NBAS: variants seen among roughly 807,000 people sequenced by gnomAD.
The protein encoded by NBAS is NAG/BC035112 fusion.
Under a neutral mutation model 302.5 loss-of-function variants are expected in NBAS, and 219 were observed. The observed-to-expected ratio is 0.72, with a 90% CI of 0.65 to 0.81. NBAS has a LOEUF of 0.81. Among genes scored for constraint, NBAS ranks in the 30% least tolerant of loss-of-function variants. The pLI is 0.00. For missense variants in NBAS, 2,932 were observed against 2,841.6 expected (o/e 1.03, Z -0.72); for synonymous variants, 1,118 against 1,021.6 (o/e 1.09, Z -1.80).
At chr2:14,788,352 C>T in the NBAS span, among the ~76,000 whole-genome samples, 3 of 152,250 alleles carry the variant, frequency 2.0e-5, no homozygotes, top group Admixed American at 6.5e-5. Context: ...AGCTTTGTTC[C>T]GTTGCTGGTG....
intron 48 of NBAS, among the ~76,000 whole-genome samples, chr2:15,208,353 T>A (rs2147854606): frequency 6.6e-6 from 1 of 152,280 alleles, no homozygotes; most frequent in South Asian, 2.1e-4. Flanking sequence ...TATCTTCCAC[T>A]GGGTCCCTCC....
In NBAS at chr2:15,187,740, G is replaced by A. The variant is rs548755095; in HGVS notation, c.6573-860C>T. Among the ~76,000 whole-genome samples, 110 of 152,244 alleles carry A rather than the reference G, an allele frequency of 7.2e-4. No individual in the cohort carries two copies. The Middle Eastern group carries it at 0.02, about 28-fold the overall frequency. ...ATTACTATTTATGAAGAGTCTGTTGGTTCATTAGCACAGCACTACATTCTA... is the reference window on the plus strand; with the variant it reads ...ATTACTATTTATGAAGAGTCTGTTGATTCATTAGCACAGCACTACATTCTA... On this transcript the variant is annotated intron_variant, in intron 49 of 51. Transcript: ENST00000281513.
At chr2:15,220,434 GTTC>G (rs1018258597) in intron 47 of NBAS, among the ~76,000 whole-genome samples, 1 of 152,182 alleles carries the variant, frequency 6.6e-6, no homozygotes, top group Non-Finnish European at 1.5e-5. Flanking sequence ...CAAAGCTCCA[GTTC>G]TTTCTATCAT....
At chr2:15,111,581 T>C in the NBAS span, among the ~76,000 whole-genome samples, 1 of 152,230 alleles carries the variant, frequency 6.6e-6, no homozygotes, top group African/African-American at 2.4e-5. Flanking sequence ...TTGCTCTCTA[T>C]GTGCCCTCTA....
At chr2:15,255,381 T>C (rs1668547482) in intron 44 of NBAS, among the ~76,000 whole-genome samples, 1 of 152,184 alleles carries the variant, frequency 6.6e-6, no homozygotes, top group Non-Finnish European at 1.5e-5. Flanking sequence ...AAGTATCTAT[T>C]CATGTCTTTG....
At chr2:15,100,624 G>T in the NBAS span, among the ~76,000 whole-genome samples, 2 of 152,230 alleles carry the variant, frequency 1.3e-5, no homozygotes, top group Non-Finnish European at 2.9e-5. Flanking sequence ...ACAGGGTGTC[G>T]AATTTAGTGA....
At chr2:15,526,393 T>C (rs544963819) in intron 9 of NBAS, among the ~76,000 whole-genome samples, 1 of 152,336 alleles carries the variant, frequency 6.6e-6, no homozygotes, top group South Asian at 2.1e-4. Flanking sequence ...GGCAAAACGA[T>C]GAATTTCATA....
chr2:14,912,008 G>T, the NBAS span, among the ~76,000 whole-genome samples: 1 of 152,170 alleles, frequency 6.6e-6, no homozygotes, highest in East Asian at 1.9e-4. Context: ...AAGCCTAGGT[G>T]GTGCAGCTTA....
chr2:14,803,896 T>A, the NBAS span, among the ~76,000 whole-genome samples: 1 of 152,124 alleles, frequency 6.6e-6, no homozygotes, highest in Non-Finnish European at 1.5e-5. Flanking sequence ...GTGATCCTCC[T>A]GCCTTGGCCT....
intron 35 of NBAS, among the ~76,000 whole-genome samples, chr2:15,335,174 TAAAAAAA>T (rs34790746): frequency 1.7e-5 from 2 of 117,276 alleles, no homozygotes; most frequent in African/African-American, 6.7e-5. Context: ...TCATCTCTCT[TAAAAAAA>T]AAAAAAAAAA....
At chr2:15,110,612 G>T in the NBAS span, among the ~76,000 whole-genome samples, 2 of 152,114 alleles carry the variant, frequency 1.3e-5, no homozygotes, top group Non-Finnish European at 2.9e-5. Context: ...GGAATCCTCA[G>T]ACCCTTCCTC....
chr2:15,051,312 T>C, the NBAS span, among the ~76,000 whole-genome samples: 1 of 152,188 alleles, frequency 6.6e-6, no homozygotes, highest in African/African-American at 2.4e-5. Context: ...TGAACAGAAT[T>C]GTGTGCAGGG....
At chr2:15,117,944 C>T in the NBAS span, among the ~76,000 whole-genome samples, 6 of 152,186 alleles carry the variant, frequency 3.9e-5, no homozygotes, top group South Asian at 2.1e-4. Context: ...CTGCCATGCA[C>T]GCAGAAAGCC....
rs79086334 is a variant in NBAS, at chr2:15,462,178, T to C, written c.2098-387A>G. Among the ~76,000 whole-genome samples the C allele has an allele frequency of 8.6e-3, 1,315 of 152,356 alleles. 22 individuals carry two copies. The highest frequency in any genetic ancestry group is 0.06 in the East Asian group (310 of 5,188). On this transcript the variant is annotated intron_variant, in intron 19 of 51. Coordinates refer to ENST00000281513, the MANE Select transcript of NBAS (RefSeq NM_015909.4). ...TAGGGTGACCTATGTCAAATGCAGA[T>C]TGAACCATTCATTCATTCAACAAAT... is the stretch of plus-strand genomic sequence containing the variant.
chr2:15,507,877 C>T (rs1314256460), intron 10 of NBAS, among the ~76,000 whole-genome samples: 1 of 152,204 alleles, frequency 6.6e-6, no homozygotes, highest in Non-Finnish European at 1.5e-5. Flanking sequence ...GGTCAATACA[C>T]ATATTGAATT....
the NBAS span, among the ~76,000 whole-genome samples, chr2:15,092,251 A>T: frequency 6.6e-6 from 1 of 152,196 alleles, no homozygotes; most frequent in Non-Finnish European, 1.5e-5. Flanking sequence ...TTCCCATAGG[A>T]ACACCCAGTT....
downstream of NBAS, among the ~76,000 whole-genome samples, chr2:15,163,797 C>CTTTTT (rs34305039): frequency 7.0e-6 from 1 of 143,358 alleles, no homozygotes. Context: ...AGTATTACAA[C>CTTTTT]TTTTTTTTTT....
chr2:14,911,674 A>G, the NBAS span, among the ~76,000 whole-genome samples: 2 of 152,212 alleles, frequency 1.3e-5, no homozygotes, highest in African/African-American at 4.8e-5. Flanking sequence ...AAATCCCAAC[A>G]GTTAACACTG....
At chr2:15,154,566 A>G in the NBAS span, among the ~76,000 whole-genome samples, 28 of 152,166 alleles carry the variant, frequency 1.8e-4, no homozygotes, top group African/African-American at 6.5e-4. Flanking sequence ...TTCTTGCATG[A>G]TTCAACTCAG....
Sources: gnomAD v4.1 joint callset for allele counts (sites outside exome capture counted in the v4.1 genomes callset) on GRCh38, gnomAD v4.1.1 for gene constraint, MANE v1.5 for transcripts, NCBI Gene and HGNC (gene_info 2026-07-23, HGNC 2026-07-21) for gene names.